The following LRRC4C variants were observed in gnomAD, a reference collection of about 807,000 sequenced individuals.
The protein encoded by LRRC4C is leucine rich repeat containing 4C.
LRRC4C carries 5 observed loss-of-function variants against 33.6 expected under a neutral mutation model. That is an observed-to-expected ratio of 0.15 (90% CI 0.08 to 0.31). The LOEUF is 0.31. Among genes scored for constraint, LRRC4C ranks in the 10% least tolerant of loss-of-function variants. The pLI, the probability that LRRC4C is intolerant of heterozygous loss-of-function variation, is 1.00. For synonymous variants in LRRC4C, 329 were observed against 302.0 expected (o/e 1.09, Z -0.93); for missense variants, 560 against 796.7 (o/e 0.70, Z 3.58).
chr11:41,357,805 G>T (rs1428278869), intron 1 of LRRC4C, among the ~76,000 whole-genome samples: 3 of 152,066 alleles, frequency 2.0e-5, no homozygotes, highest in Non-Finnish European at 4.4e-5. Flanking sequence ...AGAATGGGAA[G>T]ACTCAACAGT....
chr11:40,456,646 T>C (rs188677009), intron 3 of LRRC4C, among the ~76,000 whole-genome samples: 35 of 152,102 alleles, frequency 2.3e-4, no homozygotes, highest in Admixed American at 1.8e-3. Flanking sequence ...GAAAATTCCG[T>C]CTTTAGATTG....
intron 3 of LRRC4C, among the ~76,000 whole-genome samples, chr11:40,458,154 C>T (rs181648218): frequency 2.6e-5 from 4 of 152,184 alleles, no homozygotes; most frequent in African/African-American, 7.2e-5. Context: ...GTAAATCATA[C>T]GGAGAAGATG....
intron 2 of LRRC4C, among the ~76,000 whole-genome samples, chr11:40,760,382 G>T (rs1020572970): frequency 2.1e-5 from 3 of 144,920 alleles, no homozygotes; most frequent in African/African-American, 5.1e-5. Flanking sequence ...GGCTCACAAA[G>T]TTGAAAATAT....
intron 2 of LRRC4C, among the ~76,000 whole-genome samples, chr11:40,887,700 G>T (rs367646139): frequency 3.3e-5 from 5 of 151,894 alleles, no homozygotes; most frequent in Admixed American, 2.0e-4. Context: ...TCTCTCCAGG[G>T]TATGTTTTAA....
At chr11:40,168,955 T>C (rs550131979) in intron 5 of LRRC4C, among the ~76,000 whole-genome samples, 13 of 152,268 alleles carry the variant, frequency 8.5e-5, no homozygotes, top group African/African-American at 3.1e-4. Flanking sequence ...TAGACTAGAG[T>C]CACCCCATGT....
At chr11:41,082,480 A>G (rs894741025) in intron 1 of LRRC4C, among the ~76,000 whole-genome samples, 1 of 119,238 alleles carries the variant, frequency 8.4e-6, no homozygotes, top group Non-Finnish European at 1.7e-5. Context: ...AGTTCCTCTT[A>G]TTGAGCAGTG....
chr11:40,911,693 G>A (rs934502932), intron 2 of LRRC4C, among the ~76,000 whole-genome samples: 8 of 152,226 alleles, frequency 5.3e-5, no homozygotes, highest in African/African-American at 1.2e-4. Context: ...AAAGCTGGAC[G>A]GAGAATGACT....
At chr11:40,342,592 G>A (rs546420893) in intron 3 of LRRC4C, among the ~76,000 whole-genome samples, 21 of 152,172 alleles carry the variant, frequency 1.4e-4, no homozygotes, top group African/African-American at 4.6e-4. Flanking sequence ...AAAAATAAAA[G>A]CAAATGATTA....
intron 2 of LRRC4C, among the ~76,000 whole-genome samples, chr11:40,881,698 C>G (rs1232458657): frequency 6.6e-6 from 1 of 150,476 alleles, no homozygotes; most frequent in Admixed American, 6.6e-5. Context: ...GGGAACACAA[C>G]AATCTCACAA....
intron 6 of LRRC4C, among the ~76,000 whole-genome samples, chr11:40,128,443 C>T (rs1489671001): frequency 6.6e-6 from 1 of 152,150 alleles, no homozygotes; most frequent in Non-Finnish European, 1.5e-5. Flanking sequence ...CAACTTGAAC[C>T]TCTTAAACAC....
intron 3 of LRRC4C, among the ~76,000 whole-genome samples, chr11:40,561,712 CGTT>C (rs1449439711): frequency 1.3e-5 from 2 of 151,930 alleles, no homozygotes; most frequent in Non-Finnish European, 2.9e-5. Flanking sequence ...GCGCCCGGCC[CGTT>C]GTTGTTGTTT....
intron 2 of LRRC4C, among the ~76,000 whole-genome samples, chr11:40,868,268 G>C (rs1287718195): frequency 6.6e-6 from 1 of 152,066 alleles, no homozygotes; most frequent in Non-Finnish European, 1.5e-5. Flanking sequence ...AAAGGAACAG[G>C]GAATGTGGTT....
In LRRC4C at chr11:40,648,173, T is replaced by A. The variant is rs1230073902; in HGVS notation, c.-301A>T. On this transcript the variant is annotated 5_prime_UTR_variant, in exon 3 of 7. Coordinates refer to ENST00000528697, the MANE Select transcript of LRRC4C (RefSeq NM_001258419.2). The stretch of plus-strand genomic sequence containing the variant: ...CAAATTGTTCATGGACCCGTTTCTC[T>A]GTTTGCAAAACTGGAACCCACTTAA... 6.6e-6 allele frequency: 1 copy of A among 152,216 alleles called. No homozygotes were observed. Among genetic ancestry groups the A allele is most frequent in the Non-Finnish European group, 1.5e-5 (1 of 68,038 alleles). 9.4% of individuals were successfully genotyped at this position (152,216 alleles called of 1,614,324 possible). A position where few individuals can be genotyped will look rare whatever the true frequency, so the allele number is the denominator to read the frequency against.
intron 2 of LRRC4C, among the ~76,000 whole-genome samples, chr11:40,852,576 C>T (rs1245863207): frequency 6.6e-6 from 1 of 152,008 alleles, no homozygotes; most frequent in East Asian, 1.9e-4. Flanking sequence ...TGTGTGTTAA[C>T]ATTTTAACAT....
intron 3 of LRRC4C, among the ~76,000 whole-genome samples, chr11:40,546,917 A>T (rs185383330): frequency 2.4e-4 from 36 of 152,280 alleles, no homozygotes; most frequent in South Asian, 1.0e-3. Flanking sequence ...TTTCTCATAT[A>T]CTATGCAGCC....
At chr11:41,116,624 G>A (rs1942142557) in intron 1 of LRRC4C, among the ~76,000 whole-genome samples, 1 of 152,060 alleles carries the variant, frequency 6.6e-6, no homozygotes. Flanking sequence ...AGTAAAATGG[G>A]AAGGGAGTGG....
At chr11:41,156,525 C>T (rs1044605190) in intron 1 of LRRC4C, among the ~76,000 whole-genome samples, 2 of 151,992 alleles carry the variant, frequency 1.3e-5, no homozygotes, top group Non-Finnish European at 1.5e-5. Flanking sequence ...CTATGATTGG[C>T]AAGTCATTTT....
At chr11:41,280,996 AT>A (rs534797751) in intron 1 of LRRC4C, among the ~76,000 whole-genome samples, 4 of 146,832 alleles carry the variant, frequency 2.7e-5, no homozygotes, top group Non-Finnish European at 4.5e-5. Context: ...TTAGCCTAGT[AT>A]TTTTTTCCAT....
chr11:41,180,226 A>G (rs181264374), intron 1 of LRRC4C, among the ~76,000 whole-genome samples: 25 of 152,312 alleles, frequency 1.6e-4, no homozygotes, highest in Admixed American at 1.2e-3. Flanking sequence ...AGCAGAAAAT[A>G]AACTCAGAAA....
Sources: allele counts gnomAD v4.1 joint callset (sites outside exome capture counted in the v4.1 genomes callset), GRCh38; gene constraint gnomAD v4.1.1; transcripts MANE v1.5; gene names NCBI Gene and HGNC (gene_info 2026-07-23, HGNC 2026-07-21).